Variants in SSBP3 observed in about 807,000 individuals in gnomAD.
The protein encoded by SSBP3 is single stranded DNA binding protein 3.
SSBP3 carries 5 observed loss-of-function variants against 69.6 expected under a neutral mutation model. That is an observed-to-expected ratio of 0.07 (90% CI 0.04 to 0.15). The LOEUF (loss-of-function observed/expected upper bound fraction) is 0.15, where lower values mean the gene tolerates loss of function less well. Ranked by LOEUF, SSBP3 falls within the 10% of genes least tolerant of loss-of-function variation. SSBP3 has a pLI of 1.00. For synonymous variants in SSBP3, 196 were observed against 193.4 expected, an observed-to-expected ratio of 1.01 and a Z score of -0.11; for missense variants, 312 against 534.0, an observed-to-expected ratio of 0.58 and a Z score of 4.10.
At chr1:54,271,812 T>C (rs1282257429) in intron 5 of SSBP3, among the ~76,000 whole-genome samples, 4 of 152,186 alleles carry the variant, frequency 2.6e-5, no homozygotes, top group Non-Finnish European at 5.9e-5. Flanking sequence ...CTTTGTCCTC[T>C]AGGCTGGCAT....
chr1:54,276,095 G>A (rs907139832), intron 5 of SSBP3, among the ~76,000 whole-genome samples: 1 of 152,140 alleles, frequency 6.6e-6, no homozygotes, highest in Non-Finnish European at 1.5e-5. Flanking sequence ...AGGACTCAAC[G>A]GAAAGGGGAT....
intron 14 of SSBP3, chr1:54,236,559 GC>G: frequency 6.6e-6 from 1 of 152,364 alleles, no homozygotes; most frequent in Middle Eastern, 3.4e-3. Flanking sequence ...ACAGGCGTAA[GC>G]CAACGTGCCT....
At chr1:54,342,052 G>A (rs1430630894) in intron 4 of SSBP3, among the ~76,000 whole-genome samples, 1 of 152,216 alleles carries the variant, frequency 6.6e-6, no homozygotes, top group Non-Finnish European at 1.5e-5. Flanking sequence ...CACTGTGTAA[G>A]GCCACGCGCA....
intron 14 of SSBP3, among the ~76,000 whole-genome samples, chr1:54,231,725 C>T (rs995651124): frequency 6.6e-6 from 1 of 152,120 alleles, no homozygotes; most frequent in African/African-American, 2.4e-5. Flanking sequence ...GACGGGTTCT[C>T]ACTCTGTCGG....
intron 10 of SSBP3, 78 bp from the exon 11 acceptor site, chr1:54,242,290 G>A: frequency 1.3e-6 from 2 of 1,547,236 alleles, no homozygotes; most frequent in Non-Finnish European, 1.8e-6. Context: ...AGGGGCAGAA[G>A]GAAAGGGCTG....
At chr1:54,386,190 G>A (rs185178665) in intron 4 of SSBP3, among the ~76,000 whole-genome samples, 1 of 152,256 alleles carries the variant, frequency 6.6e-6, no homozygotes, top group East Asian at 1.9e-4. Flanking sequence ...GCTGTCCAGT[G>A]GGCAGTCAGG....
At chr1:54,370,617 G>A (rs1318888812) in intron 4 of SSBP3, among the ~76,000 whole-genome samples, 1 of 152,270 alleles carries the variant, frequency 6.6e-6, no homozygotes, top group East Asian at 1.9e-4. Context: ...ACAAAACGGG[G>A]TAATAAGCCT....
upstream of SSBP3, among the ~76,000 whole-genome samples, chr1:54,411,406 A>G (rs34782769): frequency 0.47 from 70,529 of 150,452 alleles, 17,921 homozygotes; most frequent in Admixed American, 0.59. Context: ...TGAACCCAGG[A>G]GGCGGGGGTT....
chr1:54,296,506 A>C (rs1645706089), intron 4 of SSBP3, among the ~76,000 whole-genome samples: 1 of 152,240 alleles, frequency 6.6e-6, no homozygotes, highest in Admixed American at 6.5e-5. Flanking sequence ...TCTACAACAT[A>C]GTACAGGAAG....
chr1:54,326,824 T>C (rs1569820264), intron 4 of SSBP3, among the ~76,000 whole-genome samples: 1 of 152,174 alleles, frequency 6.6e-6, no homozygotes, highest in African/African-American at 2.4e-5. Flanking sequence ...CCACTGAAAA[T>C]ACACAAGGAT....
intron 4 of SSBP3, among the ~76,000 whole-genome samples, chr1:54,331,467 G>C (rs565256107): frequency 2.6e-5 from 4 of 152,224 alleles, no homozygotes; most frequent in African/African-American, 9.7e-5. Context: ...CAACACAATA[G>C]CAAGACTGAA....
chr1:54,337,605 G>A (rs1384807758), intron 4 of SSBP3, among the ~76,000 whole-genome samples: 1 of 141,832 alleles, frequency 7.1e-6, no homozygotes, highest in East Asian at 2.2e-4. Flanking sequence ...GGGTTCCAGC[G>A]ATTCCCTTGC....
chr1:54,354,068 T>A, intron 4 of SSBP3, among the ~76,000 whole-genome samples: 1 of 152,208 alleles, frequency 6.6e-6, no homozygotes, highest in East Asian at 1.9e-4. Flanking sequence ...ATCCCAATGC[T>A]GCACCAGGAT....
At chr1:54,408,290 ATAAT>A (rs1164136304), upstream of SSBP3, among the ~76,000 whole-genome samples, 1 of 152,200 alleles carries the variant, frequency 6.6e-6, no homozygotes, top group African/African-American at 2.4e-5. Flanking sequence ...AGAGAAGGAA[ATAAT>A]TACAGTTATT....
intron 6 of SSBP3, among the ~76,000 whole-genome samples, chr1:54,257,510 G>C: frequency 6.6e-6 from 1 of 152,124 alleles, no homozygotes; most frequent in Non-Finnish European, 1.5e-5. Context: ...CTCTCGGTAA[G>C]GGCAAATGAA....
At chr1:54,272,570 A>C (rs931531840) in intron 5 of SSBP3, among the ~76,000 whole-genome samples, 3 of 151,688 alleles carry the variant, frequency 2.0e-5, no homozygotes, top group African/African-American at 7.3e-5. Flanking sequence ...TCCACCCCTC[A>C]GTCAGCTATG....
At chr1:54,262,650 T>C (rs1645035967) in intron 5 of SSBP3, among the ~76,000 whole-genome samples, 1 of 152,218 alleles carries the variant, frequency 6.6e-6, no homozygotes, top group African/African-American at 2.4e-5. Context: ...GGGTGATGCC[T>C]ACCTCCCTCT....
At position 54,251,107 on chromosome 1, in the gene SSBP3, G is replaced by T. The variant is rs979349825; in HGVS notation, c.651+509C>A. On this transcript the variant is annotated intron_variant, in intron 9 of 17. Coordinates refer to ENST00000610401, the Ensembl canonical transcript of SSBP3. Reference sequence around the variant, plus strand: ...CGCGGACACAGTCCTCATTTAACAGGTGGGGAAACTGAGGCCTGCTGGGGC... The same window carrying T: ...CGCGGACACAGTCCTCATTTAACAGTTGGGGAAACTGAGGCCTGCTGGGGC... 2.6e-5 allele frequency among the ~76,000 whole-genome samples: 4 copies of T among 152,220 alleles called. 1 individual carries two copies.
chr1:54,373,518 T>C (rs929622872), intron 4 of SSBP3, among the ~76,000 whole-genome samples: 3 of 151,842 alleles, frequency 2.0e-5, no homozygotes, highest in Admixed American at 1.3e-4. Flanking sequence ...AACCCCAACA[T>C]TTTGGGAAGC....
Sources: allele counts gnomAD v4.1 joint callset (sites outside exome capture counted in the v4.1 genomes callset), GRCh38; gene constraint gnomAD v4.1.1; transcripts MANE v1.5; gene names NCBI Gene and HGNC (gene_info 2026-07-23, HGNC 2026-07-21).